Variants in MYCBP2 observed in about 807,000 individuals in gnomAD.
MYCBP2 encodes the protein E3 ubiquitin-protein ligase MYCBP2.
In MYCBP2, 120 loss-of-function variants were observed where a neutral mutation model predicts 525.3. That is an observed-to-expected ratio of 0.23 (90% CI 0.20 to 0.27). The LOEUF (loss-of-function observed/expected upper bound fraction) is 0.27, where lower values mean the gene tolerates loss of function less well. Among genes scored for constraint, MYCBP2 ranks in the 10% least tolerant of loss-of-function variants. The pLI is 1.00. For synonymous variants in MYCBP2, 1,894 were observed against 1,955.8 expected (o/e 0.97, Z 0.83); for missense variants, 4,149 against 5,657.1 (o/e 0.73, Z 8.55).
Position 77,174,430 on chromosome 13 carries a change from A to G in MYCBP2, c.5532T>C (p.Asp1844=), listed in dbSNP as rs1201189958. The change falls in exon 37 of 83, where the codon GAT becomes GAC. Residue 1844 remains aspartate (D), a synonymous_variant. Coordinates refer to ENST00000544440, the MANE Select transcript of MYCBP2 (RefSeq NM_015057.5). ...GGCACTGAACTGTGGTCATTCCTCC[A>G]TCTCCATTGGCTGTACGGCTTCCAT... The part of the protein sequence containing the change: ...RNYGSRTANG[D]GGMTTVQCPD... 2 of 1,614,128 alleles carry G rather than the reference A, an allele frequency of 1.2e-6. No homozygotes were observed. The highest frequency in any genetic ancestry group is 1.7e-6 in the Non-Finnish European group (2 of 1,180,018).
intron 2 of MYCBP2, among the ~76,000 whole-genome samples, chr13:77,291,100 A>G (rs2077417655): frequency 6.6e-6 from 1 of 152,228 alleles, no homozygotes; most frequent in African/African-American, 2.4e-5. Flanking sequence ...CCCCAAAAGC[A>G]AGCCACAGAA....
intron 82 of MYCBP2, among the ~76,000 whole-genome samples, chr13:77,049,851 G>C (rs1240514664): frequency 1.3e-5 from 2 of 152,112 alleles, no homozygotes. Flanking sequence ...GGCCAGGCTG[G>C]TCTCGTACTC....
intron 68 of MYCBP2, among the ~76,000 whole-genome samples, chr13:77,074,949 C>G (rs1470707678): frequency 6.6e-6 from 1 of 152,200 alleles, no homozygotes; most frequent in African/African-American, 2.4e-5. Flanking sequence ...TGGCTCATAT[C>G]TGTAATCTCA....
chr13:77,243,171 G>C lies in MYCBP2; in HGVS notation c.2528-11C>G. The C allele has an allele frequency of 1.9e-6, 3 of 1,590,358 alleles. No homozygotes were observed. The highest frequency in any genetic ancestry group is 2.6e-6 in the Non-Finnish European group (3 of 1,158,638). The stretch of plus-strand genomic sequence containing the variant: ...CGGGCACTGGGACAGCTAGATGATT[G>C]GCCAAAAACAACAACAACAACAACA... On this transcript the variant is annotated splice_polypyrimidine_tract_variant and intron_variant, in intron 16 of 82. Coordinates refer to ENST00000544440, the MANE Select transcript of MYCBP2 (RefSeq NM_015057.5).
chr13:77,145,020 G>A (rs1408727976), intron 48 of MYCBP2, among the ~76,000 whole-genome samples: 1 of 151,984 alleles, frequency 6.6e-6, no homozygotes, highest in Non-Finnish European at 1.5e-5. Flanking sequence ...GAATCATTTC[G>A]ATTAGCACAC....
Position 77,197,509 on chromosome 13 carries a change from A to G in MYCBP2, c.3844-3265T>C, listed in dbSNP as rs181526966. Among the ~76,000 whole-genome samples, 4 of 152,340 alleles carry G rather than the reference A, an allele frequency of 2.6e-5. No individual in the cohort carries two copies. In the East Asian group the frequency reaches 7.7e-4, roughly 29 times the overall value. On this transcript the variant is annotated intron_variant, in intron 26 of 82. Transcript: ENST00000544440. ...ACTGATGTGCCTTTAACATATTTAC[A>G]TGAAAATGCATCAAAGAAGTCTGAG...
At chr13:77,106,806 C>T (rs1021655098) in intron 55 of MYCBP2, among the ~76,000 whole-genome samples, 1 of 151,654 alleles carries the variant, frequency 6.6e-6, no homozygotes, top group Non-Finnish European at 1.5e-5. Flanking sequence ...CATGGGTAAA[C>T]TGTGTGTCAT....
chr13:77,048,273 A>C (rs2036007681), intron 82 of MYCBP2, among the ~76,000 whole-genome samples: 1 of 152,124 alleles, frequency 6.6e-6, no homozygotes, highest in African/African-American at 2.4e-5. Flanking sequence ...GTGGGTCCTC[A>C]CCAGACACCT....
chr13:77,270,500 T>G lies in MYCBP2; in HGVS notation c.984A>C (p.Gln328His), dbSNP rs781029498. ...TILNSLQRSV[Q>H]AVLVGKIQIQ... ...TTTGAATTTTTCCCACCAAAACTGCTTGTACACTTCTCTGTAGCGAATTTA... is the reference window on the plus strand; with the variant it reads ...TTTGAATTTTTCCCACCAAAACTGCGTGTACACTTCTCTGTAGCGAATTTA... The change falls in exon 6 of 83, where the codon CAA becomes CAC. Residue 328 changes from glutamine to histidine, a missense_variant. Transcript: ENST00000544440. 6.2e-7 allele frequency: 1 copy of G among 1,613,572 alleles called. No homozygotes were observed. Among genetic ancestry groups the G allele is most frequent in the Non-Finnish European group, 8.5e-7 (1 of 1,179,674 alleles).
At position 77,081,169 on chromosome 13, in the gene MYCBP2, T is replaced by C. The variant is rs1327060126; in HGVS notation, c.11418+258A>G. The C allele has an allele frequency of 2.7e-6, 1 of 373,164 alleles. No individual in the cohort carries two copies. The highest frequency in any genetic ancestry group is 4.8e-6 in the Non-Finnish European group (1 of 209,636). The allele number at this position is 373,164 out of a possible 1,614,324, so 23.1% of individuals were successfully genotyped here. Reference sequence around the variant, plus strand: ...CCAAGGGAATGGCAGCAGAAAATTGTAGAGCAGACTTTCATTTTGCTTAGC... The same window carrying C: ...CCAAGGGAATGGCAGCAGAAAATTGCAGAGCAGACTTTCATTTTGCTTAGC... On this transcript the variant is annotated intron_variant, in intron 65 of 82. Transcript: ENST00000544440. This position sits in a 1 kb window ranked among gnomAD's most constrained non-coding sequence, Gnocchi z 4.6.
At chr13:77,246,672 C>CAA (rs748796021) in intron 15 of MYCBP2, among the ~76,000 whole-genome samples, 1 of 107,098 alleles carries the variant, frequency 9.3e-6, no homozygotes, top group Non-Finnish European at 2.0e-5. Flanking sequence ...CAGGGGGAGG[C>CAA]AAAAAAAAAA....
intron 35 of MYCBP2, among the ~76,000 whole-genome samples, chr13:77,177,313 A>G (rs1426477915): frequency 1.4e-5 from 2 of 139,438 alleles, no homozygotes; most frequent in Admixed American, 7.2e-5. Context: ...TAAAATCATT[A>G]TTTTTCAATT....
chr13:77,286,259 G>A (rs2076748625), intron 3 of MYCBP2, among the ~76,000 whole-genome samples: 1 of 152,154 alleles, frequency 6.6e-6, no homozygotes, highest in African/African-American at 2.4e-5. Flanking sequence ...ATATGTATAA[G>A]CTTTCAAGGC....
intron 30 of MYCBP2, 124 bp downstream of exon 30, chr13:77,188,827 C>G: frequency 1.8e-6 from 1 of 553,910 alleles, no homozygotes; most frequent in Non-Finnish European, 2.9e-6. Flanking sequence ...AATGTGAATA[C>G]AAAACCAAAT....
intron 52 of MYCBP2, among the ~76,000 whole-genome samples, chr13:77,126,971 C>T (rs2051782720): frequency 6.6e-6 from 1 of 151,874 alleles, no homozygotes; most frequent in Non-Finnish European, 1.5e-5. Flanking sequence ...CATTTCTTCC[C>T]ATGTTGAAAT....
chr13:77,314,442 A>C (rs2080677232), intron 1 of MYCBP2, among the ~76,000 whole-genome samples: 1 of 152,212 alleles, frequency 6.6e-6, no homozygotes, highest in Non-Finnish European at 1.5e-5. Context: ...AGTGGTAAGA[A>C]ATGAGCTATC....
chr13:77,072,727 T>C (rs1050659452), intron 68 of MYCBP2, among the ~76,000 whole-genome samples: 1 of 151,880 alleles, frequency 6.6e-6, no homozygotes, highest in African/African-American at 2.4e-5. Flanking sequence ...GACATAAGGG[T>C]ATATTATGAA....
chr13:77,326,571 ACAG>A lies in MYCBP2; in HGVS notation c.202_204del (p.Leu68del), dbSNP rs755682182. On this transcript the variant is annotated inframe_deletion, in exon 1 of 83. Coordinates refer to ENST00000544440, the MANE Select transcript of MYCBP2 (RefSeq NM_015057.5). This position sits in a 1 kb window ranked among gnomAD's most constrained non-coding sequence, Gnocchi z 4.2. ...TAGCGGTCGGCCAGGGCCCGGCCTGACAGCAGCAGCTGGTAGTGACCCCGGGAG... is the reference window on the plus strand; with the variant it reads ...TAGCGGTCGGCCAGGGCCCGGCCTGACAGCAGCTGGTAGTGACCCCGGGAG... 6.3e-7 allele frequency: 1 copy of A among 1,598,568 alleles called. No individual in the cohort carries two copies. The highest frequency in any genetic ancestry group is 1.7e-5 in the Admixed American group (1 of 58,982).
intron 1 of MYCBP2, among the ~76,000 whole-genome samples, chr13:77,302,054 CAT>C (rs1176583158): frequency 6.6e-6 from 1 of 151,854 alleles, no homozygotes; most frequent in Non-Finnish European, 1.5e-5. Flanking sequence ...GAGAACGAGA[CAT>C]GTGGGACAAA....
Sources: allele counts gnomAD v4.1 joint callset (sites outside exome capture counted in the v4.1 genomes callset), GRCh38; gene constraint gnomAD v4.1.1; non-coding constraint Gnocchi (gnomAD v3.1); transcripts MANE v1.5; gene names NCBI Gene and HGNC (gene_info 2026-07-23, HGNC 2026-07-21).